The following LIMS1 variants were observed in gnomAD, a reference collection of about 807,000 sequenced individuals.
LIMS1 encodes the protein LIM zinc finger domain containing 1.
LIMS1 carries 18 observed loss-of-function variants against 44.1 expected under a neutral mutation model. The observed-to-expected ratio is 0.41, with a 90% CI of 0.28 to 0.61. LIMS1 has a LOEUF of 0.61. LIMS1 is among the 20% of genes least tolerant of loss of function. The probability of loss-of-function intolerance (pLI) is 0.32; values close to 1 mark genes in which losing one functional copy is unlikely to be tolerated. For synonymous variants in LIMS1, 93 were observed against 149.1 expected (o/e 0.62, Z 2.74); for missense variants, 201 against 422.0 (o/e 0.48, Z 4.59).
chr2:108,650,121 C>T (rs1385094971), intron 1 of LIMS1, among the ~76,000 whole-genome samples: 1 of 152,226 alleles, frequency 6.6e-6, no homozygotes, highest in African/African-American at 2.4e-5. Flanking sequence ...CAGCCTCCCA[C>T]CCTACTTCAA....
chr2:108,556,466 G>T (rs1338929662), intron 1 of LIMS1, among the ~76,000 whole-genome samples: 4 of 152,116 alleles, frequency 2.6e-5, no homozygotes, highest in Admixed American at 6.5e-5. Flanking sequence ...ATTCTTTTGG[G>T]CATATACCTA....
chr2:108,554,047 G>T (rs1173535031), intron 1 of LIMS1, among the ~76,000 whole-genome samples: 1 of 152,188 alleles, frequency 6.6e-6, no homozygotes, highest in African/African-American at 2.4e-5. Flanking sequence ...AAATGACAAA[G>T]CTGATGTTGA....
chr2:108,651,400 C>A (rs573727469), intron 1 of LIMS1, among the ~76,000 whole-genome samples: 1 of 152,254 alleles, frequency 6.6e-6, no homozygotes, highest in Non-Finnish European at 1.5e-5. Context: ...TTTTCCCTCC[C>A]AACTCCCAGT....
chr2:108,629,127 T>TA, intron 1 of LIMS1, among the ~76,000 whole-genome samples: 1 of 152,334 alleles, frequency 6.6e-6, no homozygotes, highest in Non-Finnish European at 1.5e-5. Flanking sequence ...GAGGAAATGG[T>TA]ACATTTTATT....
intron 1 of LIMS1, among the ~76,000 whole-genome samples, chr2:108,536,047 T>C (rs1684126327): frequency 6.6e-6 from 1 of 152,228 alleles, no homozygotes; most frequent in African/African-American, 2.4e-5. Flanking sequence ...TAAGTTGATA[T>C]AAAATTTAAA....
chr2:108,587,057 G>T (rs1241985191), intron 1 of LIMS1, among the ~76,000 whole-genome samples: 1 of 152,162 alleles, frequency 6.6e-6, no homozygotes, highest in African/African-American at 2.4e-5. Context: ...TGAAGGTGAA[G>T]CCTGTGAGGT....
intron 1 of LIMS1, among the ~76,000 whole-genome samples, chr2:108,551,953 G>A (rs113261944): frequency 0.22 from 18,402 of 84,864 alleles, 1,625 homozygotes; most frequent in South Asian, 0.46. Context: ...GTGTGTGTGT[G>A]TATATATATA....
chr2:108,577,921 T>G (rs933205808), intron 1 of LIMS1, among the ~76,000 whole-genome samples: 2 of 152,114 alleles, frequency 1.3e-5, no homozygotes, highest in South Asian at 4.1e-4. Context: ...GTTTTGTTTT[T>G]TGAGACGGAG....
chr2:108,679,404 C>T (rs1034308699), intron 8 of LIMS1, among the ~76,000 whole-genome samples: 4 of 151,956 alleles, frequency 2.6e-5, no homozygotes, highest in African/African-American at 7.3e-5. Context: ...CACCTGAACC[C>T]GGGAGGCAGA....
chr2:108,577,700 C>G (rs1042690276), intron 1 of LIMS1, among the ~76,000 whole-genome samples: 5 of 152,006 alleles, frequency 3.3e-5, no homozygotes, highest in Non-Finnish European at 7.4e-5. Context: ...TATTGTAGTA[C>G]TTTATTTTTT....
intron 1 of LIMS1, among the ~76,000 whole-genome samples, chr2:108,537,038 A>C (rs1256425885): frequency 6.6e-6 from 1 of 152,200 alleles, no homozygotes; most frequent in African/African-American, 2.4e-5. Flanking sequence ...TTAAAAAGTG[A>C]AATTGACATT....
At chr2:108,553,738 C>T (rs747310547) in intron 1 of LIMS1, among the ~76,000 whole-genome samples, 2 of 152,114 alleles carry the variant, frequency 1.3e-5, no homozygotes, top group Admixed American at 1.3e-4. Context: ...GGCTTCAGGC[C>T]GTACACCCCC....
intron 1 of LIMS1, among the ~76,000 whole-genome samples, chr2:108,540,490 G>A (rs1036771950): frequency 1.3e-5 from 2 of 152,094 alleles, no homozygotes; most frequent in East Asian, 3.8e-4. Flanking sequence ...GAGCCACCGC[G>A]CCTGGCTGAT....
intron 1 of LIMS1, among the ~76,000 whole-genome samples, chr2:108,547,936 C>G (rs1392646745): frequency 6.6e-6 from 1 of 152,156 alleles, no homozygotes; most frequent in South Asian, 2.1e-4. Context: ...AAATGAGCAG[C>G]CTTTTGTTTT....
chr2:108,547,176 GTGT>G (rs927451035), intron 1 of LIMS1, among the ~76,000 whole-genome samples: 7 of 152,202 alleles, frequency 4.6e-5, no homozygotes, highest in African/African-American at 1.7e-4. Flanking sequence ...ACTGATAGTG[GTGT>G]TAAACTTTTC....
rs1158536894 is a variant in LIMS1 at position 108,577,745 on chromosome 2, T to C, written c.32+43151T>C. 3.9e-5 allele frequency among the ~76,000 whole-genome samples: 6 copies of C among 152,248 alleles called. No individual in the cohort carries two copies. The East Asian group carries it at 1.2e-3, about 29-fold the overall frequency. ...AGAAAAAAGGTGCTTCAGATGTTCT[T>C]ACAAAGCTGTTTAGCATTTCTGGGA... On this transcript the variant is annotated intron_variant, in intron 1 of 9. Coordinates refer to ENST00000544547, the Ensembl canonical transcript of LIMS1.
intron 2 of LIMS1, among the ~76,000 whole-genome samples, chr2:108,664,897 A>T (rs1691641054): frequency 6.6e-6 from 1 of 152,080 alleles, no homozygotes; most frequent in African/African-American, 2.4e-5. Context: ...CAATTTCTGG[A>T]TCCTTTTCTC....
At chr2:108,572,245 A>G (rs998396235) in intron 1 of LIMS1, among the ~76,000 whole-genome samples, 6 of 152,142 alleles carry the variant, frequency 3.9e-5, no homozygotes, top group Non-Finnish European at 7.3e-5. Flanking sequence ...CTTCACTGAA[A>G]TACAACTTAC....
At chr2:108,577,928 G>A (rs376295924) in intron 1 of LIMS1, among the ~76,000 whole-genome samples, 15 of 152,088 alleles carry the variant, frequency 9.9e-5, no homozygotes, top group African/African-American at 1.2e-4. Context: ...TTTTTGAGAC[G>A]GAGTCTTGTC....
Sources: allele counts gnomAD v4.1 joint callset (sites outside exome capture counted in the v4.1 genomes callset), GRCh38; gene constraint gnomAD v4.1.1; transcripts MANE v1.5; gene names NCBI Gene and HGNC (gene_info 2026-07-23, HGNC 2026-07-21).